USP53: variants seen among roughly 807,000 people sequenced by gnomAD.
USP53 encodes the protein ubiquitin specific peptidase 53.
USP53 carries 71 observed loss-of-function variants against 94.9 expected under a neutral mutation model. That is an observed-to-expected ratio of 0.75 (90% CI 0.62 to 0.91). USP53 has a LOEUF of 0.91. USP53 is among the 40% of genes least tolerant of loss of function. USP53 has a pLI of 0.00. For missense variants in USP53, 1,173 were observed against 1,281.0 expected (o/e 0.92, Z 1.29); for synonymous variants, 375 against 422.7 (o/e 0.89, Z 1.39).
chr4:119,262,553 A>C (rs1750638846), intron 12 of USP53, among the ~76,000 whole-genome samples: 1 of 152,230 alleles, frequency 6.6e-6, no homozygotes, highest in African/African-American at 2.4e-5. Flanking sequence ...GAAAATTATA[A>C]GCAAAAGAAA....
chr4:119,259,804 G>C lies in USP53; in HGVS notation c.570-16G>C, dbSNP rs1486186504. ...AAGTTCATAGGCCAGATTTGGGATTGCTTCTTTTTTTGTAGCAATGAGGTT... is the reference window on the plus strand; with the variant it reads ...AAGTTCATAGGCCAGATTTGGGATTCCTTCTTTTTTTGTAGCAATGAGGTT... On this transcript the variant is annotated splice_polypyrimidine_tract_variant and intron_variant, in intron 9 of 18. Coordinates refer to ENST00000692078, the MANE Select transcript of USP53 (RefSeq NM_001371395.1). The C allele has an allele frequency of 1.2e-6, 2 of 1,600,880 alleles. No homozygotes were observed. Among genetic ancestry groups the C allele is most frequent in the Non-Finnish European group, 1.7e-6 (2 of 1,173,272 alleles).
At chr4:119,278,215 G>T (rs1752921636) in intron 17 of USP53, among the ~76,000 whole-genome samples, 1 of 147,554 alleles carries the variant, frequency 6.8e-6, no homozygotes, top group East Asian at 2.0e-4. Flanking sequence ...TTACATTTTG[G>T]CATGATTTTG....
chr4:119,268,557 T>G, intron 14 of USP53, 137 bp downstream of exon 14: 1 of 893,638 alleles, frequency 1.1e-6, no homozygotes, highest in Admixed American at 3.2e-5. Context: ...GTCTTTTGAT[T>G]TATGCATTTC....
At chr4:119,218,709 A>G (rs1048590662) in intron 3 of USP53, 3 of 152,206 alleles carry the variant, frequency 2.0e-5, no homozygotes, top group African/African-American at 7.2e-5. Context: ...TAGCTTTATA[A>G]ACACAGTTAC....
At chr4:119,281,911 C>T (rs546604157) in intron 17 of USP53, among the ~76,000 whole-genome samples, 1 of 152,200 alleles carries the variant, frequency 6.6e-6, no homozygotes, top group African/African-American at 2.4e-5. Flanking sequence ...TACTACCATC[C>T]ATCTCCAGAA....
chr4:119,216,995 A>G (rs1472775680), intron 2 of USP53, among the ~76,000 whole-genome samples: 1 of 152,172 alleles, frequency 6.6e-6, no homozygotes, highest in Non-Finnish European at 1.5e-5. Context: ...TATTTTATAC[A>G]TGGTTTATGA....
chr4:119,277,736 A>G (rs1263129782), intron 17 of USP53, among the ~76,000 whole-genome samples: 2 of 139,322 alleles, frequency 1.4e-5, no homozygotes, highest in South Asian at 2.4e-4. Flanking sequence ...TGGGAGTCTA[A>G]GTCTCTTTGT....
At position 119,271,509 on chromosome 4, in the gene USP53, T is replaced by A. The variant is rs61999315; in HGVS notation, c.1649T>A (p.Val550Asp). 2.2e-4 allele frequency: 362 copies of A among 1,613,454 alleles called. 1 individual carries two copies. The African/African-American group carries it at 4.3e-3, about 19-fold the overall frequency. Residue 550 changes from valine (V) to aspartate (D), a missense_variant, in exon 16 of 19, where the codon GTT becomes GAT. Transcript: ENST00000692078. ...LAPGEKITGK[V>D]KSDNGTGYDT... ...CCAGGAGAGAAAATAACTGGCAAAGTTAAGAGTGACAATGGCACTGGATAT... is the reference window on the plus strand; with the variant it reads ...CCAGGAGAGAAAATAACTGGCAAAGATAAGAGTGACAATGGCACTGGATAT...
At chr4:119,261,680 A>G in intron 11 of USP53, 35 bp from the exon 12 acceptor site, 2 of 1,476,944 alleles carry the variant, frequency 1.4e-6, no homozygotes, top group Middle Eastern at 2.0e-4. Context: ...CAAAAGATGT[A>G]GTGTTAAGTG....
At position 119,271,362 on chromosome 4, in the gene USP53, A is replaced by G. The variant is rs200985153; in HGVS notation, c.1502A>G (p.Gln501Arg). Reference sequence around the variant, plus strand: ...CCTCCTGCCCCAAATGGTTTTAAACAACATGGGAATCCACATCTATATCAT... The same window carrying G: ...CCTCCTGCCCCAAATGGTTTTAAACGACATGGGAATCCACATCTATATCAT... Reference protein sequence around the residue: ...GSPPAPNGFKQHGNPHLYHSQ... With the variant: ...GSPPAPNGFKRHGNPHLYHSQ... The change falls in exon 16 of 19, where the codon CAA becomes CGA. Residue 501 changes from glutamine (Q) to arginine (R), a missense_variant. Physicochemically the swap from Gln to Arg is conservative, Grantham distance 43 (BLOSUM62 1). Transcript: ENST00000692078. 36 of 1,610,136 alleles carry G rather than the reference A, an allele frequency of 2.2e-5. No homozygotes were observed. The Admixed American group carries it at 4.9e-4, about 22-fold the overall frequency.
intron 12 of USP53, 148 bp downstream of exon 12, chr4:119,262,012 A>C: frequency 1.3e-6 from 1 of 787,636 alleles, no homozygotes; most frequent in Non-Finnish European, 1.7e-6. Context: ...CAGTAAGTTC[A>C]AACTTTCTTT....
At chr4:119,250,294 TA>T (rs1334491362) in intron 7 of USP53, among the ~76,000 whole-genome samples, 7 of 152,340 alleles carry the variant, frequency 4.6e-5, no homozygotes, top group Admixed American at 3.9e-4. Flanking sequence ...AGTCTATGCC[TA>T]CCAGATAACA....
chr4:119,253,965 C>T (rs1432241128), intron 7 of USP53, among the ~76,000 whole-genome samples: 1 of 152,152 alleles, frequency 6.6e-6, no homozygotes, highest in African/African-American at 2.4e-5. Context: ...TTTATTTCTC[C>T]TTCACTTAGG....
chr4:119,273,128 G>A (rs1481872841), intron 16 of USP53: 2 of 152,604 alleles, frequency 1.3e-5, no homozygotes, highest in African/African-American at 4.8e-5. Flanking sequence ...GAGCAACATG[G>A]AAAGATCTCA....
At chr4:119,214,578 A>G (rs1049479902) in intron 2 of USP53, among the ~76,000 whole-genome samples, 8 of 151,846 alleles carry the variant, frequency 5.3e-5, no homozygotes, top group African/African-American at 1.9e-4. Context: ...TTTAATGGGA[A>G]GGTAGACTTT....
chr4:119,221,871 G>A (rs1429674219), intron 3 of USP53, among the ~76,000 whole-genome samples: 2 of 152,084 alleles, frequency 1.3e-5, no homozygotes. Flanking sequence ...GGAGAGAGGG[G>A]GATGATTTTG....
chr4:119,260,614 T>C lies in USP53; in HGVS notation c.783T>C (p.Ala261=). 1 of 1,613,724 alleles carries C rather than the reference T, an allele frequency of 6.2e-7. No homozygotes were observed. The highest frequency in any genetic ancestry group is 8.5e-7 in the Non-Finnish European group (1 of 1,179,726). The change falls in exon 11 of 19, where the codon GCT becomes GCC. Residue 261 remains alanine, a synonymous_variant. Transcript: ENST00000692078. The part of the protein sequence containing the change: ...WDSEHSDLTE[A]VVRNLATHLY... ...CCGAGCATTCTGACTTGACCGAAGC[T>C]GTTGTTCGGAATCTAGCAACACATC...
intron 3 of USP53, among the ~76,000 whole-genome samples, chr4:119,227,396 T>C (rs926410350): frequency 6.6e-6 from 1 of 151,922 alleles, no homozygotes; most frequent in African/African-American, 2.4e-5. Context: ...CCCAGCACTT[T>C]GGGAGGCCGA....
In USP53 at chr4:119,248,743, C is replaced by G; in HGVS notation, c.238-5C>G. On this transcript the variant is annotated splice_region_variant and splice_polypyrimidine_tract_variant and intron_variant, in intron 6 of 18. Transcript: ENST00000692078. ...AAACTTACTGATTTTCTTGTCGATT[C>G]CCAGACGATATTTGCACAGTTCCAA... 6.2e-7 allele frequency: 1 copy of G among 1,607,574 alleles called. No homozygotes were observed. The highest frequency in any genetic ancestry group is 8.5e-7 in the Non-Finnish European group (1 of 1,177,368).
Sources: allele counts gnomAD v4.1 joint callset (sites outside exome capture counted in the v4.1 genomes callset), GRCh38; gene constraint gnomAD v4.1.1; transcripts MANE v1.5; gene names NCBI Gene and HGNC (gene_info 2026-07-23, HGNC 2026-07-21).